Variants in SLC25A21 observed in about 807,000 individuals in gnomAD.
The protein encoded by SLC25A21 is mitochondrial 2-oxodicarboxylate carrier.
A neutral mutation model predicts 43.8 loss-of-function variants in SLC25A21; 47 were observed. The observed-to-expected ratio is 1.07, with a 90% CI of 0.85 to 1.37. The LOEUF (loss-of-function observed/expected upper bound fraction) is 1.37. Among genes scored for constraint, SLC25A21 ranks in the 40% most tolerant of loss-of-function variants. The pLI, the probability that SLC25A21 is intolerant of heterozygous loss-of-function variation, is 0.00. For missense variants in SLC25A21, 352 were observed against 350.2 expected, an observed-to-expected ratio of 1.00 and a Z score of -0.04; for synonymous variants, 131 against 121.3, an observed-to-expected ratio of 1.08 and a Z score of -0.52.
At chr14:36,725,770 T>C in intron 5 of SLC25A21, 93 bp from the exon 6 acceptor site, 1 of 701,474 alleles carries the variant, frequency 1.4e-6, no homozygotes, top group Non-Finnish European at 2.1e-6. Context: ...CTGAACGTTA[T>C]AAAGAGAATG....
At chr14:36,754,407 A>T (rs932201782) in intron 3 of SLC25A21, among the ~76,000 whole-genome samples, 3 of 152,216 alleles carry the variant, frequency 2.0e-5, no homozygotes, top group Non-Finnish European at 4.4e-5. Flanking sequence ...TAGAAAAAAT[A>T]AGGTGGGTGG....
chr14:37,114,427 T>C (rs948110494), intron 1 of SLC25A21, among the ~76,000 whole-genome samples: 6 of 152,320 alleles, frequency 3.9e-5, no homozygotes, highest in East Asian at 1.9e-4. Flanking sequence ...GTTTTCTAAA[T>C]AGACCAAGTA....
intron 2 of SLC25A21, among the ~76,000 whole-genome samples, chr14:36,817,678 G>T (rs912368399): frequency 6.6e-6 from 1 of 152,138 alleles, no homozygotes; most frequent in African/African-American, 2.4e-5. Context: ...CAATTGCATG[G>T]CCCTGGTTCC....
intron 2 of SLC25A21, among the ~76,000 whole-genome samples, chr14:36,850,986 G>T (rs1889715490): frequency 1.3e-5 from 2 of 152,152 alleles, no homozygotes; most frequent in African/African-American, 4.8e-5. Flanking sequence ...GGTCACTAAA[G>T]ATTATGACAT....
chr14:37,127,809 A>G (rs1963323386), intron 1 of SLC25A21, among the ~76,000 whole-genome samples: 1 of 152,202 alleles, frequency 6.6e-6, no homozygotes, highest in Non-Finnish European at 1.5e-5. Flanking sequence ...ATAATTTTTC[A>G]TTCCAGTTTT....
intron 3 of SLC25A21, among the ~76,000 whole-genome samples, chr14:36,756,440 A>T (rs1042411703): frequency 6.6e-6 from 1 of 152,230 alleles, no homozygotes; most frequent in Non-Finnish European, 1.5e-5. Flanking sequence ...GAGGTTTTGG[A>T]TCTGTAATCC....
intron 1 of SLC25A21, among the ~76,000 whole-genome samples, chr14:36,982,121 T>C (rs1254184874): frequency 7.1e-6 from 1 of 141,238 alleles, no homozygotes; most frequent in African/African-American, 3.3e-5. Flanking sequence ...CAACATGATG[T>C]GATCTCATTA....
intron 1 of SLC25A21, among the ~76,000 whole-genome samples, chr14:37,145,059 C>A (rs1185551637): frequency 6.6e-6 from 1 of 152,058 alleles, no homozygotes; most frequent in Non-Finnish European, 1.5e-5. Context: ...AGTCACAATT[C>A]TAAGCACTTT....
At chr14:36,710,578 C>T (rs1883813153) in intron 7 of SLC25A21, among the ~76,000 whole-genome samples, 1 of 151,970 alleles carries the variant, frequency 6.6e-6, no homozygotes, top group South Asian at 2.1e-4. Flanking sequence ...TATAAGTGCA[C>T]ACCATCATGC....
Position 36,703,258 on chromosome 14 carries a change from G to A in SLC25A21, c.603+8060C>T, listed in dbSNP as rs967552490. Among the ~76,000 whole-genome samples, 64 of 152,260 alleles carry A rather than the reference G, an allele frequency of 4.2e-4. 1 individual carries two copies. The highest frequency in any genetic ancestry group is 1.5e-3 in the African/African-American group (62 of 41,560). ...TCTAAGTTCTCCCCTTGAACCCAAA[G>A]GTGCATTTTTCATTCAGCTCAGGGC... On this transcript the variant is annotated intron_variant, in intron 7 of 9. Transcript: ENST00000331299.
At chr14:36,732,442 T>C (rs1163540997) in intron 4 of SLC25A21, among the ~76,000 whole-genome samples, 1 of 152,186 alleles carries the variant, frequency 6.6e-6, no homozygotes, top group East Asian at 1.9e-4. Flanking sequence ...CTGGTCTCTC[T>C]GAAGTCTTCT....
At chr14:36,776,230 C>CTTTTTTTTTTTTTTTTTTTTTTTTTTTTT (rs1328087696) in intron 3 of SLC25A21, among the ~76,000 whole-genome samples, 7 of 70,840 alleles carry the variant, frequency 9.9e-5, no homozygotes, top group Admixed American at 1.6e-4. Flanking sequence ...CTTTTTCTTT[C>CTTTTTTTTTTTTTTTTTTTTTTTTTTTTT]TTTCTTTCTT....
intron 7 of SLC25A21, among the ~76,000 whole-genome samples, chr14:36,707,442 T>C (rs865919194): frequency 2.0e-4 from 30 of 152,154 alleles, no homozygotes; most frequent in Admixed American, 6.5e-4. Context: ...CTCAGACCTG[T>C]TGACCCCACA....
chr14:37,155,649 G>C (rs1594821996), intron 1 of SLC25A21, among the ~76,000 whole-genome samples: 1 of 152,074 alleles, frequency 6.6e-6, no homozygotes, highest in South Asian at 2.1e-4. Context: ...ATAGTGGCAA[G>C]AGAAAAACAA....
chr14:36,872,478 C>T (rs1890401933), intron 2 of SLC25A21, among the ~76,000 whole-genome samples: 1 of 152,150 alleles, frequency 6.6e-6, no homozygotes, highest in African/African-American at 2.4e-5. Flanking sequence ...TGTGAGTCTG[C>T]TCCTGCCTAC....
In SLC25A21 at chr14:37,126,400, C is replaced by T. The variant is rs1179886126; in HGVS notation, c.70+45881G>A. On this transcript the variant is annotated intron_variant, in intron 1 of 9. Transcript: ENST00000331299. ...TTTTTGAGGTGTGAGTCAACATGCC[C>T]AGCCAATATACCTAAATTAAGGGCT... is the stretch of plus-strand genomic sequence containing the variant. Among the ~76,000 whole-genome samples the T allele has an allele frequency of 2.6e-5, 4 of 151,826 alleles. No individual in the cohort carries two copies. The East Asian group carries it at 7.7e-4, about 29-fold the overall frequency.
intron 1 of SLC25A21, among the ~76,000 whole-genome samples, chr14:36,920,698 A>T (rs1891957189): frequency 6.6e-6 from 1 of 152,088 alleles, no homozygotes; most frequent in Non-Finnish European, 1.5e-5. Flanking sequence ...ACTACAGTAG[A>T]CAAAAGCCAG....
chr14:37,114,265 C>A (rs1247928161), intron 1 of SLC25A21, among the ~76,000 whole-genome samples: 2 of 152,146 alleles, frequency 1.3e-5, no homozygotes, highest in Non-Finnish European at 2.9e-5. Flanking sequence ...AGTAGGATGA[C>A]TATTTCTGGC....
At chr14:37,160,945 G>T (rs2138948165) in intron 1 of SLC25A21, among the ~76,000 whole-genome samples, 2 of 130,852 alleles carry the variant, frequency 1.5e-5, no homozygotes, top group East Asian at 2.6e-4. Context: ...AAGAAAGAAG[G>T]AGGAAGAGGA....
Sources: allele counts gnomAD v4.1 joint callset (sites outside exome capture counted in the v4.1 genomes callset), GRCh38; gene constraint gnomAD v4.1.1; transcripts MANE v1.5; gene names NCBI Gene and HGNC (gene_info 2026-07-23, HGNC 2026-07-21).